AK4: variants seen among roughly 807,000 people sequenced by gnomAD.
The protein encoded by AK4 is adenylate kinase 4.
Under a neutral mutation model 24.6 loss-of-function variants are expected in AK4, and 13 were observed. The ratio of observed to expected loss-of-function variants is 0.53; its 90% confidence interval spans 0.34 to 0.84. The LOEUF is 0.84. AK4 is among the 40% of genes least tolerant of loss of function. AK4 has a pLI of 0.01. For missense variants in AK4, 192 were observed against 288.2 expected (o/e 0.67, Z 2.42); for synonymous variants, 88 against 107.0 (o/e 0.82, Z 1.10).
chr1:65,153,980 C>T lies in AK4; in HGVS notation c.145+5428C>T, dbSNP rs1174624112. Among the ~76,000 whole-genome samples, 5 of 152,124 alleles carry T rather than the reference C, an allele frequency of 3.3e-5. No homozygotes were observed. The East Asian group carries it at 9.6e-4, about 29-fold the overall frequency. ...CGAGCAGGTGCCAGATCAGGTAGAG[C>T]CTGGGGGATCCTGGTAAGGATTGGA... On this transcript the variant is annotated intron_variant, in intron 1 of 4. Transcript: ENST00000327299.
chr1:65,174,551 C>T (rs1161053383), intron 1 of AK4, among the ~76,000 whole-genome samples: 1 of 152,146 alleles, frequency 6.6e-6, no homozygotes, highest in Non-Finnish European at 1.5e-5. Context: ...ATCCTTTGCT[C>T]CCTGAGCCTT....
chr1:65,182,045 C>T (rs1231814552), intron 1 of AK4, among the ~76,000 whole-genome samples: 1 of 151,742 alleles, frequency 6.6e-6, no homozygotes, highest in African/African-American at 2.4e-5. Context: ...TCTCCAGAGT[C>T]GCTGGGACTA....
At chr1:65,190,450 G>A (rs114279996) in intron 1 of AK4, among the ~76,000 whole-genome samples, 7 of 124,624 alleles carry the variant, frequency 5.6e-5, no homozygotes, top group Non-Finnish European at 1.1e-4. Flanking sequence ...TCCTTTTTTT[G>A]GGGGGGGGGC....
chr1:65,194,152 A>G (rs533008698), intron 2 of AK4, among the ~76,000 whole-genome samples: 4 of 152,328 alleles, frequency 2.6e-5, no homozygotes, highest in South Asian at 2.1e-4. Context: ...CGTATCTTCA[A>G]TGGTCAACTG....
intron 1 of AK4, among the ~76,000 whole-genome samples, chr1:65,172,235 A>G (rs905359987): frequency 6.6e-6 from 1 of 151,284 alleles, no homozygotes. Flanking sequence ...AAGTAGCTCT[A>G]CTGCACCAAG....
chr1:65,166,886 C>G (rs1404956490), intron 1 of AK4, among the ~76,000 whole-genome samples: 2 of 152,190 alleles, frequency 1.3e-5, no homozygotes, highest in South Asian at 2.1e-4. Flanking sequence ...AATCCCAGCA[C>G]TTTGGAAGGC....
At chr1:65,158,300 G>A (rs961712075) in intron 1 of AK4, among the ~76,000 whole-genome samples, 1 of 152,152 alleles carries the variant, frequency 6.6e-6, no homozygotes, top group Non-Finnish European at 1.5e-5. Flanking sequence ...AAGGCATGTT[G>A]AATTACCTGT....
chr1:65,198,567 A>C (rs1302498967), intron 2 of AK4, among the ~76,000 whole-genome samples: 1 of 152,202 alleles, frequency 6.6e-6, no homozygotes, highest in African/African-American at 2.4e-5. Flanking sequence ...AGAGACATAT[A>C]TTCAGCCACA....
chr1:65,192,682 G>C (rs1406712810), intron 2 of AK4, among the ~76,000 whole-genome samples: 1 of 152,184 alleles, frequency 6.6e-6, no homozygotes, highest in African/African-American at 2.4e-5. Context: ...ATTCCCTTCA[G>C]CTGTGAGCCT....
chr1:65,225,606 ACT>A (rs550191666), intron 4 of AK4, among the ~76,000 whole-genome samples: 2 of 152,134 alleles, frequency 1.3e-5, no homozygotes, highest in South Asian at 2.1e-4. Context: ...AGCAGTTTAT[ACT>A]CTGTTACAAT....
intron 1 of AK4, among the ~76,000 whole-genome samples, chr1:65,169,909 T>G: frequency 6.6e-6 from 1 of 152,140 alleles, no homozygotes; most frequent in Non-Finnish European, 1.5e-5. Context: ...GGCCCCTCAC[T>G]CACTCCCTCA....
chr1:65,169,296 A>T (rs1418962698), intron 1 of AK4, among the ~76,000 whole-genome samples: 1 of 152,162 alleles, frequency 6.6e-6, no homozygotes, highest in Non-Finnish European at 1.5e-5. Flanking sequence ...ATCTTTATTT[A>T]GAGTTTATTT....
intron 2 of AK4, among the ~76,000 whole-genome samples, chr1:65,210,680 A>G (rs1651946966): frequency 6.6e-6 from 1 of 151,932 alleles, no homozygotes; most frequent in Non-Finnish European, 1.5e-5. Flanking sequence ...AAAAGCTCAA[A>G]TCTATCTTTA....
chr1:65,197,218 T>C (rs1173292982), intron 2 of AK4, among the ~76,000 whole-genome samples: 1 of 152,164 alleles, frequency 6.6e-6, no homozygotes, highest in East Asian at 1.9e-4. Context: ...ACTGTTTTTT[T>C]TCGTTTCTAA....
chr1:65,220,068 C>G (rs1652252083), intron 3 of AK4, among the ~76,000 whole-genome samples: 1 of 152,260 alleles, frequency 6.6e-6, no homozygotes, highest in Middle Eastern at 3.4e-3. Context: ...TTTTTGGAGG[C>G]TTGGTAGCTC....
chr1:65,181,980 G>A (rs1394460067), intron 1 of AK4, among the ~76,000 whole-genome samples: 1 of 152,100 alleles, frequency 6.6e-6, no homozygotes, highest in Non-Finnish European at 1.5e-5. Context: ...CAGTGGCGCA[G>A]TCATAGCTTG....
chr1:65,167,946 C>T (rs1650387421), intron 1 of AK4, among the ~76,000 whole-genome samples: 1 of 152,162 alleles, frequency 6.6e-6, no homozygotes, highest in Admixed American at 6.5e-5. Flanking sequence ...AAAATAGTTG[C>T]TAGGCAGCAC....
intron 1 of AK4, among the ~76,000 whole-genome samples, chr1:65,159,112 A>G (rs955884108): frequency 1.3e-5 from 2 of 152,200 alleles, no homozygotes; most frequent in African/African-American, 4.8e-5. Context: ...TTATCATCTA[A>G]CTTCCAAGAA....
At chr1:65,152,358 CTCTATATATA>C (rs1275090190) in intron 1 of AK4, among the ~76,000 whole-genome samples, 38 of 30,504 alleles carry the variant, frequency 1.2e-3, no homozygotes, top group African/African-American at 2.3e-3. Context: ...CTCTCTCTCT[CTCTATATATA>C]TATATATATA....
Sources: allele counts gnomAD v4.1 joint callset (sites outside exome capture counted in the v4.1 genomes callset), GRCh38; gene constraint gnomAD v4.1.1; transcripts MANE v1.5; gene names NCBI Gene and HGNC (gene_info 2026-07-23, HGNC 2026-07-21).